The following MEGF9 variants were observed in gnomAD, a reference collection of about 807,000 sequenced individuals.
MEGF9 encodes the protein multiple EGF like domains 9, also known as multiple epidermal growth factor-like domains protein 9.
In MEGF9, 6 loss-of-function variants were observed where a neutral mutation model predicts 46.8. The observed-to-expected ratio is 0.13, with a 90% CI of 0.07 to 0.25. The LOEUF is 0.25. MEGF9 is among the 10% of genes least tolerant of loss of function. MEGF9 has a pLI of 1.00. For missense variants in MEGF9, 683 were observed against 792.4 expected, an observed-to-expected ratio of 0.86 and a Z score of 1.66; for synonymous variants, 302 against 330.7, an observed-to-expected ratio of 0.91 and a Z score of 0.94.
At chr9:120,674,659 C>T (rs2043764754) in intron 1 of MEGF9, among the ~76,000 whole-genome samples, 1 of 151,032 alleles carries the variant, frequency 6.6e-6, no homozygotes, top group Admixed American at 6.6e-5. Context: ...ACCTCAAACA[C>T]CTGAGTTCAA....
intron 1 of MEGF9, among the ~76,000 whole-genome samples, chr9:120,708,685 T>C (rs1474179888): frequency 6.6e-6 from 1 of 152,210 alleles, no homozygotes; most frequent in Non-Finnish European, 1.5e-5. Flanking sequence ...GTAAGAATAA[T>C]CTGCCCTAAC....
Position 120,714,301 on chromosome 9 carries a change from G to A in MEGF9, c.58C>T (p.Leu20=). 3.0e-6 allele frequency: 4 copies of A among 1,321,860 alleles called. No individual in the cohort carries two copies. In the South Asian group the frequency reaches 5.6e-5, roughly 19 times the overall value. 81.9% of individuals were successfully genotyped at this position (1,321,860 alleles called of 1,614,324 possible). A position where few individuals can be genotyped will look rare whatever the true frequency, so the allele number is the denominator to read the frequency against. ...GCGGCGGCGGCGGCGCAGCACAACA[G>A]GGCGAGGCCGCCCAGGCTCGGCAGG... ...RSLPSLGGLA[L]LCCAAAAAAA... The change falls in exon 1 of 6, where the codon CTG becomes TTG. Residue 20 remains leucine, a synonymous_variant. Transcript: ENST00000373930.
At chr9:120,631,887 T>C (rs1475410914) in intron 2 of MEGF9, among the ~76,000 whole-genome samples, 1 of 152,146 alleles carries the variant, frequency 6.6e-6, no homozygotes, top group Admixed American at 6.5e-5. Context: ...ACAATATTAA[T>C]TCTTCTTCTC....
intron 2 of MEGF9, among the ~76,000 whole-genome samples, chr9:120,643,656 C>G (rs896928446): frequency 2.0e-5 from 3 of 151,720 alleles, no homozygotes; most frequent in Admixed American, 2.0e-4. Flanking sequence ...AAAGATAGTA[C>G]AGGAAGTTCT....
chr9:120,673,058 T>A (rs2043757218), intron 1 of MEGF9, among the ~76,000 whole-genome samples: 1 of 152,082 alleles, frequency 6.6e-6, no homozygotes. Context: ...AGATACAAAA[T>A]TAACAAACAA....
chr9:120,670,387 G>A (rs1285522147), intron 1 of MEGF9, among the ~76,000 whole-genome samples: 7 of 152,198 alleles, frequency 4.6e-5, no homozygotes, highest in South Asian at 4.1e-4. Context: ...ATGAGCCACC[G>A]TGCCCGGCCT....
chr9:120,638,874 T>C (rs544444527), intron 2 of MEGF9, among the ~76,000 whole-genome samples: 4 of 152,220 alleles, frequency 2.6e-5, no homozygotes, highest in Non-Finnish European at 4.4e-5. Flanking sequence ...TGGAATACAG[T>C]GGCACAATCA....
chr9:120,693,275 C>CAGAAAAAAA (rs2043858856), intron 1 of MEGF9, among the ~76,000 whole-genome samples: 1 of 104,492 alleles, frequency 9.6e-6, no homozygotes, highest in Non-Finnish European at 1.9e-5. Context: ...TCTGGTTAAC[C>CAGAAAAAAA]AAAAAAAAAA....
At chr9:120,628,165 C>A (rs1434273522) in intron 2 of MEGF9, among the ~76,000 whole-genome samples, 1 of 152,088 alleles carries the variant, frequency 6.6e-6, no homozygotes, top group Non-Finnish European at 1.5e-5. Flanking sequence ...ATTAAAAATT[C>A]TTAATTTCAT....
intron 1 of MEGF9, among the ~76,000 whole-genome samples, chr9:120,688,130 A>AAC (rs34218836): frequency 0.11 from 15,664 of 142,488 alleles, 948 homozygotes; most frequent in Non-Finnish European, 0.15. Context: ...TCCTCTCCGC[A>AAC]ACACACACAC....
At chr9:120,676,573 A>G (rs1008875456) in intron 1 of MEGF9, among the ~76,000 whole-genome samples, 5 of 151,854 alleles carry the variant, frequency 3.3e-5, no homozygotes, top group African/African-American at 1.2e-4. Flanking sequence ...ATTCCCCTTG[A>G]TTTTCTTGAG....
intron 2 of MEGF9, among the ~76,000 whole-genome samples, chr9:120,653,322 T>C (rs116314455): frequency 0.019 from 2,918 of 152,242 alleles, 107 homozygotes; most frequent in African/African-American, 0.068. Context: ...TGTGATACAC[T>C]ACTTGTTCTG....
intron 2 of MEGF9, among the ~76,000 whole-genome samples, chr9:120,650,419 A>T (rs1415579498): frequency 6.6e-6 from 1 of 152,256 alleles, no homozygotes; most frequent in African/African-American, 2.4e-5. Flanking sequence ...AGCAAAACTG[A>T]AAAGTTCAGA....
chr9:120,709,633 A>C (rs1216647129), intron 1 of MEGF9, among the ~76,000 whole-genome samples: 1 of 152,226 alleles, frequency 6.6e-6, no homozygotes, highest in Non-Finnish European at 1.5e-5. Context: ...CAGATCAATC[A>C]GTTAACTAAA....
At chr9:120,679,066 G>C (rs2043786402) in intron 1 of MEGF9, among the ~76,000 whole-genome samples, 1 of 152,170 alleles carries the variant, frequency 6.6e-6, no homozygotes, top group South Asian at 2.1e-4. Context: ...AGACAGTGTG[G>C]CAATTCCTCA....
chr9:120,603,779 A>C lies in MEGF9; in HGVS notation c.*1411T>G, dbSNP rs2043407924. 6.5e-6 allele frequency: 1 copy of C among 152,754 alleles called. No individual in the cohort carries two copies. The highest frequency in any genetic ancestry group is 1.9e-4 in the East Asian group (1 of 5,186). 9.5% of individuals were successfully genotyped at this position (152,754 alleles called of 1,614,324 possible). A position where few individuals can be genotyped will look rare whatever the true frequency, so the allele number is the denominator to read the frequency against. Reference sequence around the variant, plus strand: ...GACACACCCATCTACAAAGCTGCTCATTAACCAGACAGGAAGACAATGGGA... The same window carrying C: ...GACACACCCATCTACAAAGCTGCTCCTTAACCAGACAGGAAGACAATGGGA... On this transcript the variant is annotated 3_prime_UTR_variant, in exon 6 of 6. Coordinates refer to ENST00000373930, the MANE Select transcript of MEGF9 (RefSeq NM_001080497.3).
intron 3 of MEGF9, among the ~76,000 whole-genome samples, chr9:120,614,779 T>C (rs976264391): frequency 2.6e-5 from 4 of 151,290 alleles, no homozygotes; most frequent in African/African-American, 7.3e-5. Context: ...TAAGCTTTAA[T>C]ATAAAAAATA....
At chr9:120,682,590 C>A (rs910184702) in intron 1 of MEGF9, among the ~76,000 whole-genome samples, 1 of 151,864 alleles carries the variant, frequency 6.6e-6, no homozygotes, top group African/African-American at 2.4e-5. Context: ...CACACACACA[C>A]GCACACACAT....
rs115351878 is a variant in MEGF9 at position 120,705,837 on chromosome 9, T to C, written c.601+7921A>G. ...AAACAGATAAATCAAAATGTATACT[T>C]GAAAAAAAGCCTAAGTGATCACAGA... On this transcript the variant is annotated intron_variant, in intron 1 of 5. Transcript: ENST00000373930. Among the ~76,000 whole-genome samples, 525 of 152,022 alleles carry C rather than the reference T, an allele frequency of 3.5e-3. 6 individuals carry two copies. The highest frequency in any genetic ancestry group is 0.012 in the African/African-American group (502 of 41,466).
Sources: gnomAD v4.1 joint callset for allele counts (sites outside exome capture counted in the v4.1 genomes callset) on GRCh38, gnomAD v4.1.1 for gene constraint, MANE v1.5 for transcripts, NCBI Gene and HGNC (gene_info 2026-07-23, HGNC 2026-07-21) for gene names.